The following RPS6KC1 variants were observed in gnomAD, a reference collection of about 807,000 sequenced individuals.
The protein encoded by RPS6KC1 is ribosomal protein S6 kinase C1.
A neutral mutation model predicts 103.8 loss-of-function variants in RPS6KC1; 54 were observed. The ratio of observed to expected loss-of-function variants is 0.52; its 90% CI spans 0.42 to 0.65. The LOEUF (loss-of-function observed/expected upper bound fraction) is 0.65, where lower values mean the gene tolerates loss of function less well. RPS6KC1 is among the 30% of genes least tolerant of loss of function. The probability of loss-of-function intolerance (pLI) is 0.00; values close to 1 mark genes in which losing one functional copy is unlikely to be tolerated. For synonymous variants in RPS6KC1, 439 were observed against 438.7 expected (o/e 1.00, Z -0.01); for missense variants, 1,151 against 1,253.8 (o/e 0.92, Z 1.24).
At chr1:213,411,205 T>C in the RPS6KC1 span, among the ~76,000 whole-genome samples, 1 of 152,292 alleles carries the variant, frequency 6.6e-6, no homozygotes, top group East Asian at 1.9e-4. Context: ...AATATAATGA[T>C]AAGGATTTCC....
intron 8 of RPS6KC1, among the ~76,000 whole-genome samples, chr1:213,187,592 G>T (rs2092586336): frequency 6.6e-6 from 1 of 151,562 alleles, no homozygotes; most frequent in African/African-American, 2.4e-5. Flanking sequence ...AGTTGCTTTT[G>T]TATGTTATCT....
chr1:213,501,683 G>T, the RPS6KC1 span, among the ~76,000 whole-genome samples: 1 of 149,028 alleles, frequency 6.7e-6, no homozygotes, highest in African/African-American at 2.5e-5. Context: ...TGCAGTGAGC[G>T]AAGATTGCAC....
chr1:213,247,719 A>T (rs2094475535), intron 12 of RPS6KC1, among the ~76,000 whole-genome samples: 1 of 152,148 alleles, frequency 6.6e-6, no homozygotes, highest in African/African-American at 2.4e-5. Context: ...GATTTGTTGG[A>T]TATAAGTAAA....
intron 3 of RPS6KC1, 138 bp downstream of exon 3, chr1:213,077,954 A>G (rs2148529423): frequency 2.3e-6 from 1 of 433,014 alleles, no homozygotes. Flanking sequence ...AGCACTTGAA[A>G]TTGTCTTTTC....
chr1:213,077,289 C>T (rs1438426202), intron 2 of RPS6KC1, among the ~76,000 whole-genome samples: 1 of 152,168 alleles, frequency 6.6e-6, no homozygotes, highest in Non-Finnish European at 1.5e-5. Flanking sequence ...ACATCTAACT[C>T]ATTTGCAGGC....
the RPS6KC1 span, chr1:213,428,891 C>T: frequency 6.3e-6 from 1 of 157,610 alleles, no homozygotes; most frequent in South Asian, 1.8e-4. Context: ...TGTCAATGTG[C>T]ACATCTGGAA....
At chr1:213,693,954 T>G in the RPS6KC1 span, among the ~76,000 whole-genome samples, 3 of 152,252 alleles carry the variant, frequency 2.0e-5, no homozygotes, top group Admixed American at 2.0e-4. Context: ...GTTCCATCCC[T>G]CACCCTGGCC....
At chr1:213,797,534 A>C in the RPS6KC1 span, among the ~76,000 whole-genome samples, 9 of 152,232 alleles carry the variant, frequency 5.9e-5, no homozygotes, top group African/African-American at 2.2e-4. Flanking sequence ...CTACAGGCTG[A>C]ATATCCAAAA....
At chr1:213,149,510 C>G (rs1469796532) in intron 6 of RPS6KC1, among the ~76,000 whole-genome samples, 1 of 152,100 alleles carries the variant, frequency 6.6e-6, no homozygotes, top group Non-Finnish European at 1.5e-5. Context: ...AGAGAAGGTC[C>G]TTGAAACAAT....
chr1:213,381,837 G>T, the RPS6KC1 span, among the ~76,000 whole-genome samples: 1 of 152,250 alleles, frequency 6.6e-6, no homozygotes, highest in East Asian at 1.9e-4. Flanking sequence ...GCGAGTCGCC[G>T]CCCCAGCCCC....
the RPS6KC1 span, among the ~76,000 whole-genome samples, chr1:213,404,877 T>C: frequency 6.6e-6 from 1 of 152,222 alleles, no homozygotes; most frequent in Non-Finnish European, 1.5e-5. Context: ...CAGTTCCTTT[T>C]AAGCCATGCA....
the RPS6KC1 span, among the ~76,000 whole-genome samples, chr1:213,491,496 T>G: frequency 6.6e-6 from 1 of 152,112 alleles, no homozygotes; most frequent in African/African-American, 2.4e-5. Flanking sequence ...TGAAGTGAGC[T>G]GAGATTGCAC....
the RPS6KC1 span, among the ~76,000 whole-genome samples, chr1:213,754,470 T>G: frequency 6.6e-6 from 1 of 152,150 alleles, no homozygotes; most frequent in Non-Finnish European, 1.5e-5. Flanking sequence ...GACTGAATCA[T>G]GGGGGCAGAG....
chr1:213,609,994 G>A, the RPS6KC1 span, among the ~76,000 whole-genome samples: 43 of 152,000 alleles, frequency 2.8e-4, no homozygotes, highest in African/African-American at 1.0e-3. Context: ...CTAAGTTGAG[G>A]AATATACATA....
chr1:213,330,843 T>G, the RPS6KC1 span, among the ~76,000 whole-genome samples: 1 of 152,172 alleles, frequency 6.6e-6, no homozygotes, highest in Non-Finnish European at 1.5e-5. Context: ...ATGTTTTCAT[T>G]TTCTCCTAGA....
intron 6 of RPS6KC1, among the ~76,000 whole-genome samples, chr1:213,140,983 C>G (rs912806221): frequency 6.6e-6 from 1 of 151,520 alleles, no homozygotes; most frequent in Non-Finnish European, 1.5e-5. Context: ...TGCAACCTCC[C>G]CCTCCCGGGT....
chr1:213,792,697 T>C, the RPS6KC1 span, among the ~76,000 whole-genome samples: 1 of 152,168 alleles, frequency 6.6e-6, no homozygotes. Flanking sequence ...CAGTACTCAC[T>C]GAGAACAAAG....
chr1:213,165,931 A>G (rs1484353515), intron 6 of RPS6KC1, among the ~76,000 whole-genome samples: 1 of 152,208 alleles, frequency 6.6e-6, no homozygotes, highest in Non-Finnish European at 1.5e-5. Flanking sequence ...AAGTGGAACC[A>G]CCATATTCAG....
intron 6 of RPS6KC1, among the ~76,000 whole-genome samples, chr1:213,158,658 C>A (rs578075063): frequency 2.0e-5 from 3 of 152,152 alleles, no homozygotes; most frequent in Non-Finnish European, 4.4e-5. Context: ...CATAGAGCTA[C>A]TTCTCCAGTA....
Sources: gnomAD v4.1 joint callset for allele counts (sites outside exome capture counted in the v4.1 genomes callset) on GRCh38, gnomAD v4.1.1 for gene constraint, MANE v1.5 for transcripts, NCBI Gene and HGNC (gene_info 2026-07-23, HGNC 2026-07-21) for gene names.